Variants in NUP153 observed in about 807,000 individuals in gnomAD.
The protein encoded by NUP153 is nucleoporin 153, also known as nuclear pore complex protein Nup153.
Under a neutral mutation model 134.6 loss-of-function variants are expected in NUP153, and 27 were observed. The ratio of observed to expected loss-of-function variants is 0.20; its 90% CI spans 0.15 to 0.28. The LOEUF (loss-of-function observed/expected upper bound fraction) is 0.28, where lower values mean the gene tolerates loss of function less well. NUP153 is among the 10% of genes least tolerant of loss of function. The pLI, the probability that NUP153 is intolerant of heterozygous loss-of-function variation, is 1.00. For synonymous variants in NUP153, 640 were observed against 623.5 expected (o/e 1.03, Z -0.40); for missense variants, 1,821 against 1,731.3 (o/e 1.05, Z -0.92).
At chr6:17,663,302 C>T (rs1371766628) in intron 9 of NUP153, among the ~76,000 whole-genome samples, 2 of 151,868 alleles carry the variant, frequency 1.3e-5, no homozygotes, top group Non-Finnish European at 2.9e-5. Flanking sequence ...TACTCTCTCA[C>T]CCAAGCCAGA....
Position 17,625,861 on chromosome 6 carries a change from T to C in NUP153, c.3848A>G (p.Asn1283Ser), listed in dbSNP as rs757083732. The change falls in exon 19 of 22, where the codon AAT (asparagine) becomes AGT (serine). Residue 1283 changes from asparagine to serine, a missense_variant. Transcript: ENST00000262077. The surrounding 1 kb of genome is among the most constrained non-coding windows in gnomAD (Gnocchi z 4.7). ...FVFGPGASSN[N>S]TTTSGFGFGA... ...AAAGCCGAAACCAGAGGTGGTAGTA[T>C]TATTACTGCTGGCTCCTGGACCAAA... The C allele has an allele frequency of 6.6e-5, 107 of 1,614,086 alleles. No individual in the cohort carries two copies. Among genetic ancestry groups the C allele is most frequent in the Non-Finnish European group, 9.0e-5 (106 of 1,180,042 alleles).
At chr6:17,632,541 T>C (rs1225343571) in intron 17 of NUP153, 109 bp downstream of exon 17, 2 of 731,630 alleles carry the variant, frequency 2.7e-6, no homozygotes, top group African/African-American at 1.8e-5. Flanking sequence ...ATATTAATTT[T>C]CAAGAGAGAA....
intron 1 of NUP153, among the ~76,000 whole-genome samples, chr6:17,693,460 C>T (rs968214070): frequency 1.3e-5 from 2 of 152,220 alleles, no homozygotes; most frequent in Admixed American, 6.5e-5. Context: ...ACTCCAGTTA[C>T]AGCATTTCTT....
At chr6:17,620,340 CG>C (rs1764586942) in intron 20 of NUP153, among the ~76,000 whole-genome samples, 1 of 152,108 alleles carries the variant, frequency 6.6e-6, no homozygotes, top group East Asian at 1.9e-4. Flanking sequence ...AACAAATCCA[CG>C]TATTTACAGC....
intron 20 of NUP153, among the ~76,000 whole-genome samples, chr6:17,617,841 T>A (rs992277081): frequency 5.3e-5 from 8 of 151,384 alleles, no homozygotes; most frequent in Non-Finnish European, 1.2e-4. Flanking sequence ...TGAGACCCTA[T>A]CTCAGAAGGA....
intron 11 of NUP153, chr6:17,651,739 A>G: frequency 2.4e-6 from 1 of 408,748 alleles, no homozygotes; most frequent in South Asian, 1.0e-4. Context: ...AGGACAAATC[A>G]CTATGGAGCC....
chr6:17,634,926 T>A (rs1001292007), intron 16 of NUP153, among the ~76,000 whole-genome samples: 1 of 151,808 alleles, frequency 6.6e-6, no homozygotes, highest in African/African-American at 2.4e-5. Flanking sequence ...GGACCACAAG[T>A]AAAATATACT....
chr6:17,664,700 A>T (rs1368687437), intron 9 of NUP153, among the ~76,000 whole-genome samples: 1 of 152,174 alleles, frequency 6.6e-6, no homozygotes, highest in Non-Finnish European at 1.5e-5. Flanking sequence ...CGGCAAAATT[A>T]TGTAACCTAA....
intron 1 of NUP153, among the ~76,000 whole-genome samples, chr6:17,694,440 C>A (rs572171942): frequency 1.2e-4 from 19 of 152,204 alleles, no homozygotes; most frequent in South Asian, 1.2e-3. Flanking sequence ...GGGCGGATTA[C>A]CTGAGGTCAA....
chr6:17,660,847 A>G (rs1381250455), intron 11 of NUP153, among the ~76,000 whole-genome samples: 2 of 152,220 alleles, frequency 1.3e-5, no homozygotes, highest in East Asian at 3.8e-4. Context: ...GCACGTGTGC[A>G]GACAGAAAAG....
intron 1 of NUP153, among the ~76,000 whole-genome samples, chr6:17,701,846 A>AGGGGGGGGGGG (rs1561916995): frequency 3.0e-5 from 2 of 65,642 alleles, no homozygotes; most frequent in Non-Finnish European, 7.1e-5. Context: ...GGGGGGGGGA[A>AGGGGGGGGGGG]AAAAGCTAAA....
intron 17 of NUP153, among the ~76,000 whole-genome samples, chr6:17,631,561 T>G (rs761188085): frequency 1.3e-5 from 2 of 152,184 alleles, no homozygotes; most frequent in African/African-American, 2.4e-5. Flanking sequence ...TACACTTTAT[T>G]TAGCTACAAC....
In NUP153 at chr6:17,706,305, G is replaced by C; in HGVS notation, c.83C>G (p.Pro28Arg). 1 of 1,613,712 alleles carries C rather than the reference G, an allele frequency of 6.2e-7. No homozygotes were observed. Among genetic ancestry groups the C allele is most frequent in the Non-Finnish European group, 8.5e-7 (1 of 1,179,736 alleles). The change falls in exon 1 of 22, where the codon CCT becomes CGT. Residue 28 changes from proline (P) to arginine (R), a missense_variant. Transcript: ENST00000262077. The surrounding 1 kb of genome is among the most constrained non-coding windows in gnomAD (Gnocchi z 5.9). ...TRRCHQGPIK[P>R]YQQGRQQHQG... ...ATGCTGTTGTCGCCCCTGCTGGTAAGGCTTAATTGGCCCCTGGTGGCAACG... is the reference window on the plus strand; with the variant it reads ...ATGCTGTTGTCGCCCCTGCTGGTAACGCTTAATTGGCCCCTGGTGGCAACG...
intron 2 of NUP153, among the ~76,000 whole-genome samples, chr6:17,677,410 C>CG (rs1465763482): frequency 1.4e-4 from 21 of 150,296 alleles, no homozygotes; most frequent in Non-Finnish European, 3.1e-4. Flanking sequence ...GATCCATGCA[C>CG]GGGGGTAGGG....
At chr6:17,624,426 A>G (rs1395274519) in intron 20 of NUP153, 135 bp downstream of exon 20, 2 of 793,268 alleles carry the variant, frequency 2.5e-6, no homozygotes, top group Admixed American at 2.7e-5. Context: ...AAATCCAACC[A>G]TATTACCTCT....
rs757372493 is a variant in NUP153 at position 17,628,713 on chromosome 6, T to C, written c.3486A>G (p.Glu1162=). ...AAGTGGCTTTTGCTGGCTGTTCAGA[T>C]TCCTTCTCAGATGGTTTTGTCATAC... ...SFSMTKPSEK[E]SEQPAKATFA... The change falls in exon 18 of 22, where the codon GAA becomes GAG. Residue 1162 remains glutamate, a synonymous_variant. Transcript: ENST00000262077. The surrounding 1 kb of genome is among the most constrained non-coding windows in gnomAD (Gnocchi z 5.4). 6 of 1,613,744 alleles carry C rather than the reference T, an allele frequency of 3.7e-6. No individual in the cohort carries two copies. Among genetic ancestry groups the C allele is most frequent in the Non-Finnish European group, 5.1e-6 (6 of 1,179,838 alleles).
Position 17,629,326 on chromosome 6 carries a change from TCTC to T in NUP153, c.2870_2872del (p.Gly957del). The T allele has an allele frequency of 1.2e-6, 2 of 1,606,878 alleles. No homozygotes were observed. The highest frequency in any genetic ancestry group is 8.5e-7 in the Non-Finnish European group (1 of 1,178,190). ...TTCAGATGAAACTCCAAATTTAAAA[TCTC>T]CTATTGGTTTAGAAAATTTAAAGCC... On this transcript the variant is annotated inframe_deletion, in exon 18 of 22. Transcript: ENST00000262077.
intron 11 of NUP153, among the ~76,000 whole-genome samples, chr6:17,650,931 T>C (rs958637970): frequency 2.0e-5 from 3 of 152,120 alleles, no homozygotes; most frequent in African/African-American, 7.2e-5. Flanking sequence ...GGTATGAAAG[T>C]AACATAAAGT....
chr6:17,695,195 T>C (rs993670093), intron 1 of NUP153, among the ~76,000 whole-genome samples: 5 of 152,228 alleles, frequency 3.3e-5, no homozygotes, highest in Non-Finnish European at 5.9e-5. Flanking sequence ...CTGTGTAATC[T>C]TTAGTTCTGT....
Sources: gnomAD v4.1 joint callset for allele counts (sites outside exome capture counted in the v4.1 genomes callset) on GRCh38, gnomAD v4.1.1 for gene constraint, Gnocchi (gnomAD v3.1) non-coding constraint, MANE v1.5 for transcripts, NCBI Gene and HGNC (gene_info 2026-07-23, HGNC 2026-07-21) for gene names.